HSD17B4: variants seen among roughly 807,000 people sequenced by gnomAD.
The protein encoded by HSD17B4 is peroxisomal multifunctional enzyme type 2.
HSD17B4 carries 70 observed loss-of-function variants against 101.0 expected under a neutral mutation model. That is an observed-to-expected ratio of 0.69 (90% CI 0.57 to 0.85). HSD17B4 has a LOEUF of 0.85. Ranked by LOEUF, HSD17B4 falls within the 40% of genes least tolerant of loss-of-function variation. The probability of loss-of-function intolerance (pLI) is 0.00; values close to 1 mark genes in which losing one functional copy is unlikely to be tolerated. For missense variants in HSD17B4, 984 were observed against 892.4 expected, an observed-to-expected ratio of 1.10 and a Z score of -1.31; for synonymous variants, 347 against 297.1, an observed-to-expected ratio of 1.17 and a Z score of -1.73.
At chr5:119,466,080 G>T (rs1044123055) in intron 2 of HSD17B4, among the ~76,000 whole-genome samples, 1 of 152,000 alleles carries the variant, frequency 6.6e-6, no homozygotes, top group African/African-American at 2.4e-5. Flanking sequence ...TGATCAGATG[G>T]TTTTTTTCTC....
chr5:119,481,497 A>G (rs916559061), intron 8 of HSD17B4, among the ~76,000 whole-genome samples: 2 of 152,180 alleles, frequency 1.3e-5, no homozygotes, highest in African/African-American at 4.8e-5. Context: ...ATTGTAGATC[A>G]CCACAATAAA....
intron 2 of HSD17B4, among the ~76,000 whole-genome samples, chr5:119,470,263 T>C (rs1756231572): frequency 6.6e-6 from 1 of 151,718 alleles, no homozygotes; most frequent in Non-Finnish European, 1.5e-5. Flanking sequence ...CCACTGAAAC[T>C]AGCTGGGGTC....
chr5:119,513,794 G>A (rs1292295539), intron 16 of HSD17B4, among the ~76,000 whole-genome samples: 3 of 152,188 alleles, frequency 2.0e-5, no homozygotes, highest in African/African-American at 4.8e-5. Context: ...GTGAAGCCCT[G>A]TGCCATAAAC....
At chr5:119,495,800 A>G in intron 11 of HSD17B4, 1 of 164,468 alleles carries the variant, frequency 6.1e-6, no homozygotes, top group Non-Finnish European at 1.3e-5. Context: ...CCTCCCAAGT[A>G]GCTGGGATTA....
At chr5:119,504,661 T>C (rs562004804) in intron 14 of HSD17B4, among the ~76,000 whole-genome samples, 1 of 152,274 alleles carries the variant, frequency 6.6e-6, no homozygotes, top group East Asian at 1.9e-4. Flanking sequence ...ACGTTCCTCA[T>C]AGATTCTAGA....
At chr5:119,540,137 CCTT>C (rs1754867326) in intron 23 of HSD17B4, among the ~76,000 whole-genome samples, 1 of 152,098 alleles carries the variant, frequency 6.6e-6, no homozygotes, top group African/African-American at 2.4e-5. Context: ...TGCTTCCAGA[CCTT>C]CTTCCTTTAT....
At chr5:119,527,403 A>G (rs1187205059) in intron 20 of HSD17B4, among the ~76,000 whole-genome samples, 184 bp downstream of exon 20, 2 of 152,106 alleles carry the variant, frequency 1.3e-5, no homozygotes, top group Non-Finnish European at 2.9e-5. Context: ...ACTTAATAAA[A>G]TAGAAGTGTT....
intron 12 of HSD17B4, among the ~76,000 whole-genome samples, chr5:119,497,949 T>C (rs1750798873): frequency 6.6e-6 from 1 of 152,214 alleles, no homozygotes; most frequent in African/African-American, 2.4e-5. Context: ...TAGTGCTCTT[T>C]TGGGTCCGTT....
At chr5:119,494,432 C>T (rs1750445145) in intron 11 of HSD17B4, among the ~76,000 whole-genome samples, 1 of 140,816 alleles carries the variant, frequency 7.1e-6, no homozygotes, top group Admixed American at 7.4e-5. Flanking sequence ...AGGCTTAGCT[C>T]TTTTCTGTTT....
At chr5:119,456,179 T>A in intron 1 of HSD17B4, 136 bp from the exon 2 acceptor site, 1 of 717,672 alleles carries the variant, frequency 1.4e-6, no homozygotes, top group Non-Finnish European at 2.6e-6. Flanking sequence ...AGAATGTCAG[T>A]GATAGGATAG....
chr5:119,490,588 A>G (rs1397575114), intron 9 of HSD17B4, among the ~76,000 whole-genome samples: 1 of 151,622 alleles, frequency 6.6e-6, no homozygotes, highest in African/African-American at 2.4e-5. Context: ...TTTTTGAGGC[A>G]GAGTCTTTCT....
intron 15 of HSD17B4, 85 bp downstream of exon 15, chr5:119,506,974 A>T (rs1163592893): frequency 1.4e-6 from 1 of 696,966 alleles, no homozygotes; most frequent in Admixed American, 2.3e-5. Context: ...GAAGTTGATT[A>T]ATAAGTTAGT....
intron 2 of HSD17B4, among the ~76,000 whole-genome samples, chr5:119,472,758 A>G (rs1308378557): frequency 6.6e-6 from 1 of 152,164 alleles, no homozygotes; most frequent in Non-Finnish European, 1.5e-5. Flanking sequence ...CTTTATACCC[A>G]TTGGTTATCA....
chr5:119,471,371 A>G (rs1756346939), intron 2 of HSD17B4, among the ~76,000 whole-genome samples: 1 of 152,162 alleles, frequency 6.6e-6, no homozygotes, highest in South Asian at 2.1e-4. Context: ...CTCAGTCCAC[A>G]TTTTGAAAAA....
chr5:119,471,549 TA>T (rs997608360), intron 2 of HSD17B4: 14 of 525,302 alleles, frequency 2.7e-5, no homozygotes, highest in African/African-American at 5.9e-5. Context: ...AAATCTTGTT[TA>T]AAAAAAATTG....
chr5:119,455,201 C>G (rs1003553699), intron 1 of HSD17B4, among the ~76,000 whole-genome samples: 2 of 152,114 alleles, frequency 1.3e-5, no homozygotes, highest in Non-Finnish European at 2.9e-5. Context: ...GTGTTTTTCC[C>G]GAGATACTCT....
intron 4 of HSD17B4, among the ~76,000 whole-genome samples, chr5:119,474,690 A>G (rs930747125): frequency 1.4e-4 from 21 of 152,188 alleles, no homozygotes; most frequent in African/African-American, 4.6e-4. Context: ...TGCTTTAAAA[A>G]ACTTACGAGC....
intron 2 of HSD17B4, among the ~76,000 whole-genome samples, chr5:119,473,273 C>CTTTTTTTTTTTTTTTTT (rs11408993): frequency 5.4e-5 from 2 of 36,964 alleles, no homozygotes; most frequent in Non-Finnish European, 9.3e-5. Context: ...GTGGATGAAT[C>CTTTTTTTTTTTTTTTTT]TTTTTTTTTT....
chr5:119,499,301 T>A lies in HSD17B4; in HGVS notation c.973-16T>A. On this transcript the variant is annotated splice_polypyrimidine_tract_variant and intron_variant, in intron 12 of 23. Coordinates refer to ENST00000510025, the MANE Select transcript of HSD17B4 (RefSeq NM_000414.4). Reference sequence around the variant, plus strand: ...AGTTATCAATGAAATAAATTACTTTTTAAAACTGTTCTTAGGCTGGAGCTA... The same window carrying A: ...AGTTATCAATGAAATAAATTACTTTATAAAACTGTTCTTAGGCTGGAGCTA... The A allele has an allele frequency of 6.4e-7, 1 of 1,561,146 alleles. No homozygotes were observed. Among genetic ancestry groups the A allele is most frequent in the Non-Finnish European group, 8.8e-7 (1 of 1,131,996 alleles).
Sources: gnomAD v4.1 joint callset for allele counts (sites outside exome capture counted in the v4.1 genomes callset) on GRCh38, gnomAD v4.1.1 for gene constraint, MANE v1.5 for transcripts, NCBI Gene and HGNC (gene_info 2026-07-23, HGNC 2026-07-21) for gene names.